Variants in PTPRD observed in about 807,000 individuals in gnomAD.
PTPRD encodes the protein receptor-type tyrosine-protein phosphatase delta.
In PTPRD, 34 loss-of-function variants were observed where a neutral mutation model predicts 214.5. That is an observed-to-expected ratio of 0.16 (90% confidence interval 0.12 to 0.21). The LOEUF is 0.21. Among genes scored for constraint, PTPRD ranks in the 10% least tolerant of loss-of-function variants. PTPRD has a pLI of 1.00. For synonymous variants in PTPRD, 1,128 were observed against 845.7 expected (o/e 1.33, Z -5.79); for missense variants, 2,545 against 2,398.7 (o/e 1.06, Z -1.27).
At chr9:9,557,478 C>A (rs1166333149) in intron 8 of PTPRD, among the ~76,000 whole-genome samples, 1 of 152,120 alleles carries the variant, frequency 6.6e-6, no homozygotes, top group African/African-American at 2.4e-5. Context: ...CTGCAAAGCT[C>A]TCTCTCGGGA....
intron 2 of PTPRD, among the ~76,000 whole-genome samples, chr9:10,456,666 G>C (rs1341932342): frequency 1.3e-5 from 2 of 151,964 alleles, no homozygotes; most frequent in Admixed American, 6.6e-5. Context: ...ATTTGTCCCA[G>C]ATTCAGAGAT....
intron 2 of PTPRD, among the ~76,000 whole-genome samples, chr9:10,395,256 C>A (rs188424755): frequency 6.6e-6 from 1 of 151,546 alleles, no homozygotes; most frequent in East Asian, 2.0e-4. Context: ...CCCCCATCCC[C>A]CCACCCCACA....
At chr9:8,725,085 A>G (rs936455035) in intron 12 of PTPRD, among the ~76,000 whole-genome samples, 3 of 152,250 alleles carry the variant, frequency 2.0e-5, no homozygotes, top group African/African-American at 7.2e-5. Context: ...TATTAATATT[A>G]GGAAAACTGA....
intron 2 of PTPRD, among the ~76,000 whole-genome samples, chr9:10,354,169 C>T (rs975174223): frequency 1.2e-4 from 18 of 152,188 alleles, no homozygotes; most frequent in African/African-American, 4.3e-4. Flanking sequence ...TATCCCTAAA[C>T]AATAGATAAC....
At chr9:8,657,667 T>G (rs1388074818) in intron 12 of PTPRD, among the ~76,000 whole-genome samples, 1 of 152,202 alleles carries the variant, frequency 6.6e-6, no homozygotes, top group Non-Finnish European at 1.5e-5. Context: ...TTTTTGCTTT[T>G]GTTGCAATTG....
intron 3 of PTPRD, among the ~76,000 whole-genome samples, chr9:10,281,456 T>G (rs1564997925): frequency 6.6e-6 from 1 of 152,200 alleles, no homozygotes; most frequent in Non-Finnish European, 1.5e-5. Flanking sequence ...AAATCTCACC[T>G]AATATCCAAA....
At chr9:9,669,177 G>T (rs2096778841) in intron 7 of PTPRD, among the ~76,000 whole-genome samples, 1 of 152,070 alleles carries the variant, frequency 6.6e-6, no homozygotes, top group African/African-American at 2.4e-5. Context: ...AAATCATGCT[G>T]CTATAAAGAC....
At chr9:10,302,375 C>T (rs183531253) in intron 3 of PTPRD, among the ~76,000 whole-genome samples, 2 of 152,208 alleles carry the variant, frequency 1.3e-5, no homozygotes, top group Non-Finnish European at 2.9e-5. Context: ...GCAAAATAAC[C>T]AGCTAGAATC....
chr9:8,746,095 ATTT>A (rs35333686), intron 11 of PTPRD, among the ~76,000 whole-genome samples: 1 of 146,952 alleles, frequency 6.8e-6, no homozygotes, highest in African/African-American at 2.5e-5. Flanking sequence ...TGCCCAATCG[ATTT>A]TTTTTTTTTC....
At chr9:8,848,238 A>G (rs556034267) in intron 11 of PTPRD, among the ~76,000 whole-genome samples, 1 of 151,542 alleles carries the variant, frequency 6.6e-6, no homozygotes. Flanking sequence ...TCCAGTCCCA[A>G]GCAGAGAAAG....
intron 5 of PTPRD, among the ~76,000 whole-genome samples, chr9:9,803,279 A>T (rs989726775): frequency 6.6e-6 from 1 of 151,790 alleles, no homozygotes; most frequent in African/African-American, 2.4e-5. Context: ...AAGTCAGTAA[A>T]CCGCTCAGTG....
At position 9,446,309 on chromosome 9, in the gene PTPRD, A is replaced by G. The variant is rs553033223; in HGVS notation, c.-236-48827T>C. The stretch of plus-strand genomic sequence containing the variant: ...TGTTGAGGATTTAATAGTGGCCTAA[A>G]GATAGGTCTCTTCACAGATAAAACA... On this transcript the variant is annotated intron_variant, in intron 8 of 45. Coordinates refer to ENST00000381196, the MANE Select transcript of PTPRD (RefSeq NM_002839.4). 2.0e-5 allele frequency among the ~76,000 whole-genome samples: 3 copies of G among 152,254 alleles called. No homozygotes were observed. The South Asian group carries it at 6.2e-4, about 32-fold the overall frequency.
chr9:9,451,474 T>C (rs2092157616), intron 8 of PTPRD, among the ~76,000 whole-genome samples: 2 of 151,712 alleles, frequency 1.3e-5, no homozygotes, highest in Non-Finnish European at 3.0e-5. Flanking sequence ...AAGAATTAAA[T>C]CAATGGCGAA....
intron 7 of PTPRD, among the ~76,000 whole-genome samples, chr9:9,734,222 ATCCTCTG>A (rs2154444492): frequency 6.6e-6 from 1 of 152,214 alleles, no homozygotes; most frequent in South Asian, 2.1e-4. Flanking sequence ...TTACCGCATA[ATCCTCTG>A]TCCTATCACG....
intron 3 of PTPRD, among the ~76,000 whole-genome samples, chr9:10,148,016 G>A (rs1311599126): frequency 6.6e-6 from 1 of 152,178 alleles, no homozygotes; most frequent in Non-Finnish European, 1.5e-5. Flanking sequence ...TTTCTTTGGA[G>A]ATATCCAAAA....
intron 10 of PTPRD, among the ~76,000 whole-genome samples, chr9:9,083,877 G>A (rs767957439): frequency 1.3e-4 from 20 of 152,168 alleles, no homozygotes; most frequent in Non-Finnish European, 2.6e-4. Context: ...CAGTTAGAAT[G>A]GTGATCATTA....
chr9:9,920,701 C>G (rs1239905872), intron 5 of PTPRD, among the ~76,000 whole-genome samples: 1 of 152,124 alleles, frequency 6.6e-6, no homozygotes, highest in East Asian at 1.9e-4. Context: ...GGAGTTAAGC[C>G]TCTTTAGAAA....
At chr9:9,412,469 T>A (rs1381514476) in intron 8 of PTPRD, among the ~76,000 whole-genome samples, 1 of 152,046 alleles carries the variant, frequency 6.6e-6, no homozygotes, top group Non-Finnish European at 1.5e-5. Flanking sequence ...GAGACTCTCA[T>A]CCCCCAAGGC....
At chr9:8,617,282 C>A (rs989618835) in intron 14 of PTPRD, among the ~76,000 whole-genome samples, 1 of 152,108 alleles carries the variant, frequency 6.6e-6, no homozygotes, top group East Asian at 1.9e-4. Context: ...AAGATGTCTA[C>A]TCAGTGTCTC....
Sources: allele counts gnomAD v4.1 joint callset (sites outside exome capture counted in the v4.1 genomes callset), GRCh38; gene constraint gnomAD v4.1.1; transcripts MANE v1.5; gene names NCBI Gene and HGNC (gene_info 2026-07-23, HGNC 2026-07-21).